Variants in CSNK1G1 observed in about 807,000 individuals in gnomAD.
The protein encoded by CSNK1G1 is casein kinase I isoform gamma-1.
In CSNK1G1, 22 loss-of-function variants were observed where a neutral mutation model predicts 59.6. That is an observed-to-expected ratio of 0.37 (90% CI 0.26 to 0.53). The LOEUF (loss-of-function observed/expected upper bound fraction) is 0.53. CSNK1G1 is among the 20% of genes least tolerant of loss of function. CSNK1G1 has a pLI of 0.89. For missense variants in CSNK1G1, 384 were observed against 519.5 expected (o/e 0.74, Z 2.54); for synonymous variants, 179 against 177.1 (o/e 1.01, Z -0.08).
intron 2 of CSNK1G1, among the ~76,000 whole-genome samples, chr15:64,288,221 T>C (rs1894532082): frequency 6.6e-6 from 1 of 152,090 alleles, no homozygotes; most frequent in Non-Finnish European, 1.5e-5. Context: ...GTAACAGTGC[T>C]CTCATAGATT....
At chr15:64,306,577 A>C (rs2140414003) in intron 1 of CSNK1G1, among the ~76,000 whole-genome samples, 1 of 152,306 alleles carries the variant, frequency 6.6e-6, no homozygotes, top group South Asian at 2.1e-4. Context: ...AAAGTTTGGC[A>C]GTTTCTTATG....
At chr15:64,342,756 T>C (rs1897741977) in intron 1 of CSNK1G1, 1 of 152,244 alleles carries the variant, frequency 6.6e-6, no homozygotes, top group African/African-American at 2.4e-5. Flanking sequence ...TCCCTGCTTA[T>C]GAGCACATCA....
intron 4 of CSNK1G1, among the ~76,000 whole-genome samples, chr15:64,239,503 G>A (rs2082666108): frequency 6.6e-6 from 1 of 152,058 alleles, no homozygotes; most frequent in African/African-American, 2.4e-5. Context: ...AGCCCCACAA[G>A]TAGCTGGGAC....
intron 1 of CSNK1G1, among the ~76,000 whole-genome samples, chr15:64,303,435 G>A (rs11629470): frequency 0.05 from 7,513 of 151,382 alleles, 270 homozygotes; most frequent in South Asian, 0.11. Flanking sequence ...GGCAACATAC[G>A]GAGACCCCAT....
chr15:64,235,303 C>G (rs2082600594), intron 4 of CSNK1G1, among the ~76,000 whole-genome samples: 1 of 152,166 alleles, frequency 6.6e-6, no homozygotes, highest in Admixed American at 6.5e-5. Context: ...TGACTAAGAA[C>G]ATATATAGCT....
At chr15:64,241,345 G>A (rs2082691250) in intron 4 of CSNK1G1, among the ~76,000 whole-genome samples, 1 of 152,144 alleles carries the variant, frequency 6.6e-6, no homozygotes, top group African/African-American at 2.4e-5. Context: ...CAATGTCAGA[G>A]CACTCAGAAA....
chr15:64,178,321 C>T (rs182093278), intron 11 of CSNK1G1, among the ~76,000 whole-genome samples: 1 of 152,158 alleles, frequency 6.6e-6, no homozygotes, highest in African/African-American at 2.4e-5. Context: ...CAGCATAACC[C>T]TCACCCCCTT....
intron 4 of CSNK1G1, among the ~76,000 whole-genome samples, chr15:64,224,493 TATGAG>T (rs1187699884): frequency 1.3e-5 from 2 of 152,208 alleles, no homozygotes; most frequent in Non-Finnish European, 2.9e-5. Context: ...ATTACAAAGA[TATGAG>T]ATAATACGTA....
intron 4 of CSNK1G1, among the ~76,000 whole-genome samples, chr15:64,223,073 C>A (rs2082411819): frequency 6.6e-6 from 1 of 152,084 alleles, no homozygotes; most frequent in African/African-American, 2.4e-5. Context: ...ACAGAAAGCT[C>A]CCCATGCAAG....
At chr15:64,249,984 T>C (rs1596158949) in intron 4 of CSNK1G1, among the ~76,000 whole-genome samples, 1 of 152,214 alleles carries the variant, frequency 6.6e-6, no homozygotes, top group Admixed American at 6.5e-5. Context: ...GGATTAAGCA[T>C]GTTGTTACCT....
chr15:64,220,871 A>T (rs1417118846), intron 4 of CSNK1G1, among the ~76,000 whole-genome samples: 1 of 152,118 alleles, frequency 6.6e-6, no homozygotes, highest in East Asian at 1.9e-4. Context: ...GTATAATTCT[A>T]AAAAAATTCT....
intron 4 of CSNK1G1, among the ~76,000 whole-genome samples, chr15:64,221,693 C>T (rs78301239): frequency 0.058 from 8,729 of 151,782 alleles, 264 homozygotes; most frequent in South Asian, 0.08. Flanking sequence ...TTAGCTTATT[C>T]ATCTGTAAAG....
At position 64,259,484 on chromosome 15, in the gene CSNK1G1, A is replaced by ACACACACC. The variant is rs1491288630; in HGVS notation, c.182-244_182-243insGGTGTGTG. Among the ~76,000 whole-genome samples the ACACACACC allele has an allele frequency of 2.5e-4, 5 of 20,034 alleles. No homozygotes were observed. In the African/African-American group the frequency reaches 5.0e-3, roughly 20 times the overall value. The allele number at this position is 20,034 out of a possible 152,430, so 13.1% of individuals were successfully genotyped here. On this transcript the variant is annotated intron_variant, in intron 2 of 11. Transcript: ENST00000303052. ...CTAAAAGAGAAAACAAATCTCTCTTACACACACACACACACACACACACAC... is the reference window on the plus strand; with the variant it reads ...CTAAAAGAGAAAACAAATCTCTCTTACACACACCCACACACACACACACACACACACAC...
intron 1 of CSNK1G1, among the ~76,000 whole-genome samples, chr15:64,346,163 G>A (rs1347277784): frequency 6.6e-6 from 1 of 151,910 alleles, no homozygotes; most frequent in Non-Finnish European, 1.5e-5. Context: ...AGGCAAAGGT[G>A]GGCAGATCAG....
chr15:64,179,163 T>C (rs771410606), intron 11 of CSNK1G1, among the ~76,000 whole-genome samples: 1 of 152,132 alleles, frequency 6.6e-6, no homozygotes, highest in Non-Finnish European at 1.5e-5. Context: ...GGAGGATCAC[T>C]TGAGCTTGGG....
At position 64,204,856 on chromosome 15, in the gene CSNK1G1, G is replaced by A. The variant is rs201782125; in HGVS notation, c.850+9C>T. ...TCAGTCACACTGGAATGTCTTTTTAGCATCCCACCTGGAAAGTTCTCACAG... is the reference window on the plus strand; with the variant it reads ...TCAGTCACACTGGAATGTCTTTTTAACATCCCACCTGGAAAGTTCTCACAG... On this transcript the variant is annotated intron_variant, in intron 8 of 11. Transcript: ENST00000303052. The A allele has an allele frequency of 4.9e-5, 78 of 1,583,238 alleles. No individual in the cohort carries two copies. In the East Asian group the frequency reaches 1.5e-3, roughly 31 times the overall value.
chr15:64,181,109 A>G (rs2081807156), intron 10 of CSNK1G1: 3 of 1,421,378 alleles, frequency 2.1e-6, no homozygotes, highest in Non-Finnish European at 2.8e-6. Context: ...GAAGTTACAA[A>G]TAACAAGATT....
intron 2 of CSNK1G1, among the ~76,000 whole-genome samples, chr15:64,265,340 T>G (rs1168803450): frequency 6.6e-6 from 1 of 152,168 alleles, no homozygotes; most frequent in African/African-American, 2.4e-5. Context: ...GTCCCATGTA[T>G]AGTGGGAGAG....
chr15:64,188,399 T>G lies in CSNK1G1; in HGVS notation c.1108-7945A>C. On this transcript the variant is annotated intron_variant, in intron 10 of 11. Transcript: ENST00000303052. This position sits in a 1 kb window ranked among gnomAD's most constrained non-coding sequence, Gnocchi z 4.2. ...CCTGCACTGATCCCCCATGGCGGTCTGCAGCCAAGTGAGACGTTAGGTATG... is the reference window on the plus strand; with the variant it reads ...CCTGCACTGATCCCCCATGGCGGTCGGCAGCCAAGTGAGACGTTAGGTATG... 1 of 1,536,150 alleles carries G rather than the reference T, an allele frequency of 6.5e-7. No individual in the cohort carries two copies.
Sources: gnomAD v4.1 joint callset for allele counts (sites outside exome capture counted in the v4.1 genomes callset) on GRCh38, gnomAD v4.1.1 for gene constraint, Gnocchi (gnomAD v3.1) non-coding constraint, MANE v1.5 for transcripts, NCBI Gene and HGNC (gene_info 2026-07-23, HGNC 2026-07-21) for gene names.